The following CREB5 variants were observed in gnomAD, a reference collection of about 807,000 sequenced individuals.
CREB5 encodes the protein cAMP responsive element binding protein 5.
In CREB5, 19 loss-of-function variants were observed where a neutral mutation model predicts 57.1. That is an observed-to-expected ratio of 0.33 (90% CI 0.23 to 0.49). CREB5 has a LOEUF of 0.49. CREB5 is among the 20% of genes least tolerant of loss of function. The pLI, the probability that CREB5 is intolerant of heterozygous loss-of-function variation, is 0.99. For missense variants in CREB5, 579 were observed against 671.6 expected (o/e 0.86, Z 1.52); for synonymous variants, 238 against 238.3 (o/e 1.00, Z 0.01).
chr7:28,732,759 C>T (rs1183374494), intron 7 of CREB5, among the ~76,000 whole-genome samples: 2 of 136,064 alleles, frequency 1.5e-5, no homozygotes, highest in African/African-American at 2.7e-5. Context: ...GAAGATCTAT[C>T]TGGAAATTTG....
chr7:28,817,684 C>G (rs1379097194), intron 9 of CREB5, among the ~76,000 whole-genome samples: 1 of 152,140 alleles, frequency 6.6e-6, no homozygotes, highest in Admixed American at 6.5e-5. Context: ...CTCATAGTAA[C>G]ACAAATAATG....
rs1450019513 is a variant in CREB5, at chr7:28,560,835, T to TGCGTGCGTGC, written c.292-9529_292-9528insCGTGCGTGCG. On this transcript the variant is annotated intron_variant, in intron 4 of 10. Coordinates refer to ENST00000357727, the MANE Select transcript of CREB5 (RefSeq NM_182898.4). ...GTGTGTGTGTGTGCGCGCGCGCGCG[T>TGCGTGCGTGC]GTGTGTGTGCGCGTGTGTGTGTGCG... Among the ~76,000 whole-genome samples the TGCGTGCGTGC allele has an allele frequency of 6.7e-5, 4 of 59,746 alleles. 1 individual carries two copies. Among genetic ancestry groups the TGCGTGCGTGC allele is most frequent in the African/African-American group, 1.9e-4 (4 of 21,136 alleles). 39.2% of individuals were successfully genotyped at this position (59,746 alleles called of 152,430 possible). A position where few individuals can be genotyped will look rare whatever the true frequency, so the allele number is the denominator to read the frequency against.
At chr7:28,618,086 A>G (rs549355648) in intron 5 of CREB5, among the ~76,000 whole-genome samples, 26 of 152,332 alleles carry the variant, frequency 1.7e-4, no homozygotes, top group African/African-American at 6.3e-4. Context: ...AGGGAAGCTT[A>G]ATGAAGGAGA....
chr7:28,382,806 G>A (rs1296416110), intron 1 of CREB5, among the ~76,000 whole-genome samples: 2 of 151,894 alleles, frequency 1.3e-5, no homozygotes, highest in Non-Finnish European at 2.9e-5. Flanking sequence ...TCACCTGGCA[G>A]CAGAGGAGAT....
intron 1 of CREB5, among the ~76,000 whole-genome samples, chr7:28,442,302 A>G (rs1240341252): frequency 1.3e-5 from 2 of 152,156 alleles, no homozygotes; most frequent in African/African-American, 2.4e-5. Flanking sequence ...ATAGTATTCC[A>G]GTGTGTATAT....
intron 5 of CREB5, among the ~76,000 whole-genome samples, chr7:28,696,487 T>C (rs4722834): frequency 0.33 from 49,509 of 152,024 alleles, 8,829 homozygotes; most frequent in Middle Eastern, 0.43. Flanking sequence ...GTACCATTTC[T>C]TCTACTGAAG....
At position 28,499,835 on chromosome 7, in the gene CREB5, G is replaced by C. The variant is rs183065986; in HGVS notation, c.169+4836G>C. On this transcript the variant is annotated intron_variant, in intron 3 of 10. Coordinates refer to ENST00000357727, the MANE Select transcript of CREB5 (RefSeq NM_182898.4). ...CAACCTCAGGTGATCTGCCCCGCTT[G>C]GCCTCCCAAAGTGCTGGGATTACAG... Among the ~76,000 whole-genome samples, 23 of 152,236 alleles carry C rather than the reference G, an allele frequency of 1.5e-4. No individual in the cohort carries two copies. The East Asian group carries it at 4.4e-3, about 29-fold the overall frequency.
chr7:28,550,594 A>T (rs1013681588), intron 4 of CREB5, among the ~76,000 whole-genome samples: 5 of 151,982 alleles, frequency 3.3e-5, no homozygotes, highest in Admixed American at 2.6e-4. Context: ...TATCTCCCTC[A>T]TCCATCCCTT....
intron 9 of CREB5, among the ~76,000 whole-genome samples, chr7:28,816,123 G>A (rs1369534062): frequency 6.7e-6 from 1 of 150,118 alleles, no homozygotes; most frequent in Non-Finnish European, 1.5e-5. Flanking sequence ...TTTTTGTTTG[G>A]TTGTTTTTTT....
chr7:28,414,057 T>C (rs754240594), intron 1 of CREB5, among the ~76,000 whole-genome samples: 14 of 152,200 alleles, frequency 9.2e-5, no homozygotes, highest in Non-Finnish European at 1.8e-4. Flanking sequence ...CACTAAGATG[T>C]GAACTTTGTA....
intron 1 of CREB5, among the ~76,000 whole-genome samples, chr7:28,473,991 T>C (rs1790947811): frequency 6.6e-6 from 1 of 152,170 alleles, no homozygotes; most frequent in African/African-American, 2.4e-5. Flanking sequence ...AAGCCTGGTT[T>C]TGTTGTTTGA....
intron 5 of CREB5, among the ~76,000 whole-genome samples, chr7:28,704,480 C>CTT (rs919555124): frequency 1.4e-5 from 2 of 147,480 alleles, no homozygotes; most frequent in African/African-American, 4.9e-5. Context: ...GGATCTCTCA[C>CTT]TTTTTTTTTT....
At chr7:28,331,974 A>G (rs1785725718) in intron 1 of CREB5, among the ~76,000 whole-genome samples, 1 of 152,084 alleles carries the variant, frequency 6.6e-6, no homozygotes, top group Admixed American at 6.6e-5. Context: ...GAATATAACT[A>G]TTTGGGAAAA....
intron 1 of CREB5, among the ~76,000 whole-genome samples, chr7:28,465,288 G>A (rs1790517477): frequency 6.6e-6 from 1 of 152,224 alleles, no homozygotes; most frequent in African/African-American, 2.4e-5. Context: ...CTTGGACTGG[G>A]AGTGCAGTGC....
intron 4 of CREB5, among the ~76,000 whole-genome samples, chr7:28,540,110 A>G (rs373900554): frequency 2.0e-5 from 3 of 152,210 alleles, no homozygotes; most frequent in Non-Finnish European, 4.4e-5. Flanking sequence ...TTCCAAAACC[A>G]TACCAGTTTC....
intron 4 of CREB5, among the ~76,000 whole-genome samples, chr7:28,523,686 C>T (rs1008308856): frequency 6.6e-6 from 1 of 152,220 alleles, no homozygotes; most frequent in African/African-American, 2.4e-5. Flanking sequence ...TGTGGCTTCA[C>T]CACCTTGCTG....
intron 5 of CREB5, among the ~76,000 whole-genome samples, chr7:28,708,798 G>C (rs1802257605): frequency 6.6e-6 from 1 of 152,196 alleles, no homozygotes. Flanking sequence ...GCTCAGAATG[G>C]GGGTGGGGCT....
At chr7:28,545,984 A>G (rs1028253695) in intron 4 of CREB5, among the ~76,000 whole-genome samples, 1 of 152,126 alleles carries the variant, frequency 6.6e-6, no homozygotes, top group Non-Finnish European at 1.5e-5. Context: ...CATTTCTACA[A>G]TCGATCTTGG....
At chr7:28,742,565 C>CA (rs34453832) in intron 7 of CREB5, among the ~76,000 whole-genome samples, 45,465 of 149,230 alleles carry the variant, frequency 0.3, 8,005 homozygotes, top group Middle Eastern at 0.4. Context: ...GACTCCGTCT[C>CA]AAAAAAAAAG....
Sources: gnomAD v4.1 joint callset for allele counts (sites outside exome capture counted in the v4.1 genomes callset) on GRCh38, gnomAD v4.1.1 for gene constraint, MANE v1.5 for transcripts, NCBI Gene and HGNC (gene_info 2026-07-23, HGNC 2026-07-21) for gene names.